RHCE: variants seen among roughly 807,000 people sequenced by gnomAD.
RHCE encodes blood group Rh(CE) polypeptide.
RHCE carries 22 observed loss-of-function variants against 43.8 expected under a neutral mutation model. The ratio of observed to expected loss-of-function variants is 0.50; its 90% CI spans 0.36 to 0.72. RHCE has a LOEUF of 0.72. Ranked by LOEUF, RHCE falls within the 30% of genes least tolerant of loss-of-function variation. The pLI is 0.00. For missense variants in RHCE, 385 were observed against 525.4 expected (o/e 0.73, Z 2.61); for synonymous variants, 156 against 210.7 (o/e 0.74, Z 2.25).
chr1:25,400,928 T>C (rs905993423), intron 3 of RHCE, among the ~76,000 whole-genome samples: 2 of 152,162 alleles, frequency 1.3e-5, no homozygotes, highest in Non-Finnish European at 2.9e-5. Flanking sequence ...ATAGTCAGGA[T>C]CCAATCACTT....
intron 2 of RHCE, among the ~76,000 whole-genome samples, chr1:25,428,235 T>A (rs1364835441): frequency 6.6e-6 from 1 of 152,224 alleles, no homozygotes; most frequent in Non-Finnish European, 1.5e-5. Flanking sequence ...GCCCAGGTAA[T>A]CTGGAACACT....
At chr1:25,391,530 T>A (rs1646363956) in intron 4 of RHCE, among the ~76,000 whole-genome samples, 1 of 152,036 alleles carries the variant, frequency 6.6e-6, no homozygotes, top group South Asian at 2.1e-4. Context: ...CTGCTTTAAC[T>A]TGACCCCGTG....
At chr1:25,428,132 G>A (rs1372002831) in intron 2 of RHCE, among the ~76,000 whole-genome samples, 2 of 152,186 alleles carry the variant, frequency 1.3e-5, no homozygotes, top group Non-Finnish European at 2.9e-5. Flanking sequence ...TTAATAGTAG[G>A]CTAGACAGTG....
At chr1:25,381,453 TTTTC>T (rs1227035999) in intron 7 of RHCE, among the ~76,000 whole-genome samples, 2 of 148,044 alleles carry the variant, frequency 1.4e-5, no homozygotes, top group African/African-American at 5.2e-5. Flanking sequence ...TTCTTTTTCT[TTTTC>T]TTTTTTTTTT....
chr1:25,389,576 G>A (rs1646292824), intron 5 of RHCE, among the ~76,000 whole-genome samples: 1 of 152,152 alleles, frequency 6.6e-6, no homozygotes, highest in Admixed American at 6.5e-5. Context: ...ACCTGGCCTA[G>A]AAGAATGGGG....
intron 1 of RHCE, chr1:25,411,456 T>C: frequency 6.5e-7 from 1 of 1,549,554 alleles, no homozygotes; most frequent in Non-Finnish European, 8.7e-7. Context: ...TCACTTCCAT[T>C]GAAACGTACA....
intron 3 of RHCE, among the ~76,000 whole-genome samples, chr1:25,393,360 C>A (rs1646439049): frequency 6.6e-6 from 1 of 152,160 alleles, no homozygotes; most frequent in African/African-American, 2.4e-5. Context: ...GTGGCTCAAG[C>A]CTGTAATCTC....
At chr1:25,386,216 T>C (rs1013902469) in intron 6 of RHCE, among the ~76,000 whole-genome samples, 3 of 152,172 alleles carry the variant, frequency 2.0e-5, no homozygotes, top group East Asian at 1.9e-4. Context: ...TAAGCATCAT[T>C]CCTGGTCTCT....
At chr1:25,402,198 G>GTCTC (rs1391378741) in intron 3 of RHCE, among the ~76,000 whole-genome samples, 1 of 135,926 alleles carries the variant, frequency 7.4e-6, no homozygotes, top group African/African-American at 2.7e-5. Context: ...CTGTCTGTCT[G>GTCTC]TCTGTCTGTC....
chr1:25,411,301 A>C lies in RHCE; in HGVS notation c.149-2432T>G, dbSNP rs1647068486. On this transcript the variant is annotated intron_variant, in intron 1 of 9. Coordinates refer to ENST00000294413, the MANE Select transcript of RHCE (RefSeq NM_020485.8). The stretch of plus-strand genomic sequence containing the variant: ...AACACTCAATAAATAGTGGCTGTTC[A>C]TCAACATCATCATGACAATCACAGC... 5 of 1,549,704 alleles carry C rather than the reference A, an allele frequency of 3.2e-6. No homozygotes were observed. In the East Asian group the frequency reaches 1.2e-4, roughly 38 times the overall value.
intron 1 of RHCE, among the ~76,000 whole-genome samples, chr1:25,417,250 C>T (rs1243987096): frequency 6.6e-6 from 1 of 151,910 alleles, no homozygotes; most frequent in Admixed American, 6.6e-5. Context: ...CTGATTGTCT[C>T]AAAATGTCTT....
Position 25,388,681 on chromosome 1 carries a change from T to G in RHCE, c.939+295A>C, listed in dbSNP as rs589464. On this transcript the variant is annotated intron_variant, in intron 6 of 9. Coordinates refer to ENST00000294413, the MANE Select transcript of RHCE (RefSeq NM_020485.8). ...AAGAAAGAAGTAAAACAGGGGCTTC[T>G]GGGCTCCCCACAACACTCCAGTCCC... Among the ~76,000 whole-genome samples, 427 of 152,302 alleles carry G rather than the reference T, an allele frequency of 2.8e-3. 3 individuals are homozygous for G. Among genetic ancestry groups the G allele is most frequent in the African/African-American group, 9.3e-3 (386 of 41,552 alleles).
intron 3 of RHCE, among the ~76,000 whole-genome samples, chr1:25,399,931 G>A (rs1215443011): frequency 1.3e-5 from 2 of 151,874 alleles, no homozygotes; most frequent in Non-Finnish European, 1.5e-5. Context: ...TGTTATTTTC[G>A]CACAATGGGA....
intron 2 of RHCE, among the ~76,000 whole-genome samples, chr1:25,404,836 G>A (rs908107445): frequency 4.6e-5 from 7 of 151,432 alleles, no homozygotes; most frequent in Non-Finnish European, 7.4e-5. Flanking sequence ...CAATAAAGGA[G>A]TTGGTTATTG....
chr1:25,403,595 C>T (rs908348346), intron 2 of RHCE, among the ~76,000 whole-genome samples: 20 of 151,718 alleles, frequency 1.3e-4, no homozygotes, highest in Non-Finnish European at 2.6e-4. Flanking sequence ...ATGAGCCTGT[C>T]AACTAAGAAT....
chr1:25,395,264 G>C (rs1646501886), intron 3 of RHCE, among the ~76,000 whole-genome samples: 1 of 146,208 alleles, frequency 6.8e-6, no homozygotes, highest in Admixed American at 6.9e-5. Flanking sequence ...ACAGAATTGA[G>C]ACTAACTGAG....
chr1:25,370,259 G>A, intron 9 of RHCE, among the ~76,000 whole-genome samples: 1 of 151,490 alleles, frequency 6.6e-6, no homozygotes, highest in African/African-American at 2.4e-5. Flanking sequence ...AGGTATCAGG[G>A]AAATGGTGAC....
At chr1:25,401,769 C>T (rs1351122180) in intron 3 of RHCE, among the ~76,000 whole-genome samples, 1 of 152,222 alleles carries the variant, frequency 6.6e-6, no homozygotes, top group Non-Finnish European at 1.5e-5. Context: ...CAGGATTATA[C>T]TGTAGTAGTT....
At position 25,390,879 on chromosome 1, in the gene RHCE, T is replaced by G. The variant is rs1646339055; in HGVS notation, c.671A>C (p.Asn224Thr). 1.9e-6 allele frequency: 3 copies of G among 1,614,078 alleles called. No individual in the cohort carries two copies. The highest frequency in any genetic ancestry group is 2.7e-5 in the African/African-American group (2 of 74,998). The change falls in exon 5 of 10, where the codon AAC (asparagine) becomes ACC (threonine). Residue 224 changes from asparagine to threonine, a missense_variant. Physicochemically the swap from Asn to Thr is moderately conservative, Grantham distance 65. Transcript: ENST00000294413. ...GATTGGACTTCTCAGCAGAGCAGAG[T>G]TGACACTTGGCCAGAACATCCACAA... ...LFLWMFWPSV[N>T]SALLRSPIQR...
Sources: allele counts gnomAD v4.1 joint callset (sites outside exome capture counted in the v4.1 genomes callset), GRCh38; gene constraint gnomAD v4.1.1; transcripts MANE v1.5; gene names NCBI Gene and HGNC (gene_info 2026-07-23, HGNC 2026-07-21).